Variants in CSMD1 observed in about 807,000 individuals in gnomAD.
CSMD1 encodes the protein CUB and Sushi multiple domains 1.
A neutral mutation model predicts 417.5 loss-of-function variants in CSMD1; 213 were observed. That is an observed-to-expected ratio of 0.51 (90% CI 0.46 to 0.57). The LOEUF (loss-of-function observed/expected upper bound fraction) is 0.57. Ranked by LOEUF, CSMD1 falls within the 20% of genes least tolerant of loss-of-function variation. CSMD1 has a pLI of 0.00. For missense variants in CSMD1, 6,923 were observed against 4,529.7 expected (o/e 1.53, Z -15.17); for synonymous variants, 2,862 against 1,736.8 (o/e 1.65, Z -16.11).
chr8:4,105,923 T>G (rs971434343), intron 3 of CSMD1, among the ~76,000 whole-genome samples: 3 of 152,152 alleles, frequency 2.0e-5, no homozygotes, highest in African/African-American at 7.2e-5. Flanking sequence ...CAGCCCAAGG[T>G]TCGGTGCGTC....
chr8:4,381,229 G>T (rs1003138674), intron 3 of CSMD1, among the ~76,000 whole-genome samples: 1 of 152,164 alleles, frequency 6.6e-6, no homozygotes, highest in Non-Finnish European at 1.5e-5. Flanking sequence ...TGCTGTCCCA[G>T]TGAGATTAGG....
chr8:4,236,820 G>A (rs1382074847), intron 3 of CSMD1, among the ~76,000 whole-genome samples: 1 of 152,076 alleles, frequency 6.6e-6, no homozygotes, highest in Non-Finnish European at 1.5e-5. Context: ...AGTCTATGTT[G>A]CTTTCCAAAT....
intron 37 of CSMD1, among the ~76,000 whole-genome samples, chr8:3,178,999 G>C (rs551972798): frequency 1.9e-4 from 29 of 149,144 alleles, no homozygotes; most frequent in South Asian, 4.3e-4. Context: ...CCAGGCTGGA[G>C]TGCAGTGGCG....
intron 1 of CSMD1, among the ~76,000 whole-genome samples, chr8:4,948,228 A>T (rs989088834): frequency 3.3e-5 from 5 of 152,076 alleles, no homozygotes; most frequent in African/African-American, 9.7e-5. Flanking sequence ...GTAGGTATCA[A>T]ATAGTATCAA....
At chr8:4,493,312 G>C (rs1010991024) in intron 2 of CSMD1, among the ~76,000 whole-genome samples, 3 of 152,134 alleles carry the variant, frequency 2.0e-5, no homozygotes, top group Non-Finnish European at 2.9e-5. Context: ...GAGAGAGTTT[G>C]TGCGTGTGTG....
chr8:3,447,222 C>T (rs970942583), intron 12 of CSMD1, among the ~76,000 whole-genome samples: 1 of 152,162 alleles, frequency 6.6e-6, no homozygotes, highest in Non-Finnish European at 1.5e-5. Flanking sequence ...GCGTCTGCAT[C>T]TATCAAACAC....
At chr8:3,172,778 G>A (rs973826595) in intron 37 of CSMD1, among the ~76,000 whole-genome samples, 6 of 152,170 alleles carry the variant, frequency 3.9e-5, no homozygotes, top group Non-Finnish European at 8.8e-5. Context: ...TGAGGCACAA[G>A]GGCAGTTGAA....
intron 3 of CSMD1, among the ~76,000 whole-genome samples, chr8:4,082,957 T>A (rs1800219634): frequency 6.6e-6 from 1 of 152,038 alleles, no homozygotes; most frequent in Admixed American, 6.6e-5. Flanking sequence ...CCATTTTTTA[T>A]GGCTGAATAG....
chr8:3,994,445 C>G (rs949103903), intron 5 of CSMD1, among the ~76,000 whole-genome samples: 2 of 63,816 alleles, frequency 3.1e-5, no homozygotes, highest in South Asian at 5.1e-4. Context: ...CAAATCTCTT[C>G]AGAAAAAAAA....
intron 3 of CSMD1, among the ~76,000 whole-genome samples, chr8:4,185,407 G>A (rs935277354): frequency 7.9e-5 from 12 of 152,028 alleles, no homozygotes; most frequent in East Asian, 7.7e-4. Flanking sequence ...GTACCCCTAA[G>A]CAATAAACAT....
chr8:3,717,723 G>A lies in CSMD1; in HGVS notation c.932-9232C>T, dbSNP rs118121393. Among the ~76,000 whole-genome samples the A allele has an allele frequency of 7.5e-4, 114 of 152,262 alleles. 1 individual carries two copies. In the East Asian group the frequency reaches 0.014, roughly 19 times the overall value. Reference sequence around the variant, plus strand: ...TTAATATTGGTAGAATAAAAATAAAGTTGTTAATATTTATTATTCTGCCTT... The same window carrying A: ...TTAATATTGGTAGAATAAAAATAAAATTGTTAATATTTATTATTCTGCCTT... On this transcript the variant is annotated intron_variant, in intron 6 of 69. Transcript: ENST00000635120.
At chr8:3,965,443 G>A (rs1812617324) in intron 5 of CSMD1, among the ~76,000 whole-genome samples, 1 of 152,134 alleles carries the variant, frequency 6.6e-6, no homozygotes, top group South Asian at 2.1e-4. Context: ...AGGGTAGAAT[G>A]TTTATGCGTA....
Position 3,963,749 on chromosome 8 carries a change from A to G in CSMD1, c.818+34154T>C, listed in dbSNP as rs1162326207. Among the ~76,000 whole-genome samples, 3 of 152,204 alleles carry G rather than the reference A, an allele frequency of 2.0e-5. 1 individual carries two copies. The highest frequency in any genetic ancestry group is 3.8e-4 in the East Asian group (2 of 5,196). On this transcript the variant is annotated intron_variant, in intron 5 of 69. Transcript: ENST00000635120. ...TGATAGCAAAACAAAAGCTATATGAATATCACAATAGTATAGTATATGTAT... is the reference window on the plus strand; with the variant it reads ...TGATAGCAAAACAAAAGCTATATGAGTATCACAATAGTATAGTATATGTAT...
At chr8:3,179,933 T>C (rs1461080857) in intron 37 of CSMD1, among the ~76,000 whole-genome samples, 1 of 152,186 alleles carries the variant, frequency 6.6e-6, no homozygotes, top group Non-Finnish European at 1.5e-5. Context: ...GAAACAGCCC[T>C]GTGGTTTGTG....
chr8:4,390,614 C>T (rs1436748858), intron 3 of CSMD1, among the ~76,000 whole-genome samples: 4 of 151,888 alleles, frequency 2.6e-5, no homozygotes, highest in African/African-American at 4.8e-5. Flanking sequence ...CCCGGACTCA[C>T]GCCATTCTCC....
At chr8:4,112,047 A>G (rs1801884590) in intron 3 of CSMD1, among the ~76,000 whole-genome samples, 1 of 152,216 alleles carries the variant, frequency 6.6e-6, no homozygotes, top group Admixed American at 6.5e-5. Flanking sequence ...ACTTTATGTT[A>G]ACATTTGCAA....
intron 2 of CSMD1, among the ~76,000 whole-genome samples, chr8:4,571,845 C>A (rs897675619): frequency 6.6e-6 from 1 of 152,182 alleles, no homozygotes; most frequent in Non-Finnish European, 1.5e-5. Flanking sequence ...GGATTGTTAA[C>A]TCTTCTTGCA....
At chr8:3,961,516 T>G (rs1201422784) in intron 5 of CSMD1, among the ~76,000 whole-genome samples, 1 of 152,218 alleles carries the variant, frequency 6.6e-6, no homozygotes, top group East Asian at 1.9e-4. Flanking sequence ...GATTTTGTTC[T>G]TGCTTTGTGA....
intron 20 of CSMD1, among the ~76,000 whole-genome samples, chr8:3,364,556 T>A (rs1015931489): frequency 2.6e-5 from 4 of 152,210 alleles, no homozygotes; most frequent in Non-Finnish European, 5.9e-5. Context: ...GGTCTGAGTG[T>A]GTTACCCAAA....
Sources: gnomAD v4.1 joint callset for allele counts (sites outside exome capture counted in the v4.1 genomes callset) on GRCh38, gnomAD v4.1.1 for gene constraint, MANE v1.5 for transcripts, NCBI Gene and HGNC (gene_info 2026-07-23, HGNC 2026-07-21) for gene names.